Variants in TMEM216 observed in about 807,000 individuals in gnomAD.
The protein encoded by TMEM216 is cerebello-oculo-renal syndrome 2.
Under a neutral mutation model 17.8 loss-of-function variants are expected in TMEM216, and 15 were observed. That is an observed-to-expected ratio of 0.84 (90% confidence interval 0.56 to 1.30). The LOEUF (loss-of-function observed/expected upper bound fraction) is 1.30. TMEM216 is among the 50% of genes most tolerant of loss of function. The pLI is 0.00. For synonymous variants in TMEM216, 58 were observed against 73.5 expected (o/e 0.79, Z 1.08); for missense variants, 160 against 175.7 (o/e 0.91, Z 0.51).
In TMEM216 at chr11:61,397,357, T is replaced by C. The variant is rs959668126; in HGVS notation, c.230-417T>C. On this transcript the variant is annotated intron_variant, in intron 3 of 4. Coordinates refer to ENST00000515837, the MANE Select transcript of TMEM216 (RefSeq NM_001173990.3). ...ACTTTTTTTGTATTTTTAGTAGAGA[T>C]GGGGTTTCACCGTGTTAGCCAGGAT... Among the ~76,000 whole-genome samples the C allele has an allele frequency of 2.0e-5, 3 of 151,940 alleles. No homozygotes were observed. In the South Asian group the frequency reaches 6.2e-4, roughly 31 times the overall value.
chr11:61,397,170 T>A (rs1033975453), intron 3 of TMEM216, among the ~76,000 whole-genome samples: 3 of 142,548 alleles, frequency 2.1e-5, no homozygotes, highest in South Asian at 2.2e-4. Context: ...TGTGTTGAAA[T>A]TTTTTTTTTT....
chr11:61,393,968 TG>T lies in TMEM216; in HGVS notation c.222del (p.Phe76LeufsTer20), dbSNP rs1057517512. Reference sequence around the variant, plus strand: ...TATCTTGGAATTGAAGTAATTCGCCTGTTTTTTGGTAAGTGTTGTCCAGAGA... The same window carrying T: ...TATCTTGGAATTGAAGTAATTCGCCTTTTTTTGGTAAGTGTTGTCCAGAGA... ...LLYLGIEVIR[L>X]FFGTKGNLCQ... On this transcript the variant is annotated frameshift_variant, in exon 3 of 5. Transcript: ENST00000515837. LOFTEE classifies it high-confidence loss of function. 3.7e-6 allele frequency: 6 copies of T among 1,613,962 alleles called. No individual in the cohort carries two copies. The highest frequency in any genetic ancestry group is 1.3e-5 in the African/African-American group (1 of 75,068).
intron 3 of TMEM216, among the ~76,000 whole-genome samples, chr11:61,397,190 G>A (rs1426727519): frequency 6.7e-5 from 10 of 148,720 alleles, no homozygotes; most frequent in Admixed American, 2.7e-4. Context: ...TTTTTGAGAC[G>A]GAGTCTTGCT....
rs1305097889 is a variant in TMEM216, at chr11:61,398,643, A to T, written c.*367A>T. Reference sequence around the variant, plus strand: ...GGGCTTCAAGCAGGACCTGAGCCACATGCTCCCTGTACGAGCTGTGCTATA... The same window carrying T: ...GGGCTTCAAGCAGGACCTGAGCCACTTGCTCCCTGTACGAGCTGTGCTATA... On this transcript the variant is annotated 3_prime_UTR_variant, in exon 5 of 5. Transcript: ENST00000515837. The T allele has an allele frequency of 3.6e-6, 1 of 281,582 alleles. No homozygotes were observed. Among genetic ancestry groups the T allele is most frequent in the Non-Finnish European group, 6.7e-6 (1 of 149,264 alleles). 17.4% of individuals were successfully genotyped at this position (281,582 alleles called of 1,614,324 possible).
At position 61,398,509 on chromosome 11, in the gene TMEM216, A is replaced by G. The variant is rs1046545540; in HGVS notation, c.*233A>G. 2.9e-5 allele frequency: 16 copies of G among 546,148 alleles called. No homozygotes were observed. The highest frequency in any genetic ancestry group is 5.2e-5 in the Non-Finnish European group (16 of 309,344). 33.8% of individuals were successfully genotyped at this position (546,148 alleles called of 1,614,324 possible). On this transcript the variant is annotated 3_prime_UTR_variant, in exon 5 of 5. Transcript: ENST00000515837. Reference sequence around the variant, plus strand: ...TCTACACTCCAGTATAGGGAGGGGCAAGGTTATTCCCATCCTGCCCCTTCT... The same window carrying G: ...TCTACACTCCAGTATAGGGAGGGGCGAGGTTATTCCCATCCTGCCCCTTCT...
At chr11:61,394,141 C>T in intron 3 of TMEM216, 165 bp downstream of exon 3, 1 of 616,552 alleles carries the variant, frequency 1.6e-6, no homozygotes, top group South Asian at 2.0e-5. Context: ...TACATTGGGT[C>T]AAGATTTACC....
intron 3 of TMEM216, 30 bp downstream of exon 3, chr11:61,394,006 C>G: frequency 1.3e-6 from 2 of 1,583,506 alleles, no homozygotes; most frequent in Non-Finnish European, 1.7e-6. Flanking sequence ...TATTTCCACT[C>G]CTTATGAGAC....
chr11:61,398,735 C>T lies in TMEM216; in HGVS notation c.*459C>T, dbSNP rs1420107927. ...TCCAGAGTGATGTGAAAGCCTCTCA[C>T]CCCAATCCTCGGAGACTGAGTTCCA... is the stretch of plus-strand genomic sequence containing the variant. On this transcript the variant is annotated 3_prime_UTR_variant, in exon 5 of 5. Transcript: ENST00000515837. 6.2e-6 allele frequency: 1 copy of T among 160,384 alleles called. No homozygotes were observed. Among genetic ancestry groups the T allele is most frequent in the African/African-American group, 2.4e-5 (1 of 41,794 alleles). The allele number at this position is 160,384 out of a possible 1,614,324, so 9.9% of individuals were successfully genotyped here. A position where few individuals can be genotyped will look rare whatever the true frequency, so the allele number is the denominator to read the frequency against.
In TMEM216 at chr11:61,398,587, G is replaced by C. The variant is rs759148194; in HGVS notation, c.*311G>C. 2.4e-4 allele frequency: 100 copies of C among 416,202 alleles called. No individual in the cohort carries two copies. Among genetic ancestry groups the C allele is most frequent in the Middle Eastern group, 1.3e-3 (2 of 1,538 alleles). The allele number at this position is 416,202 out of a possible 1,614,324, so 25.8% of individuals were successfully genotyped here. A position where few individuals can be genotyped will look rare whatever the true frequency, so the allele number is the denominator to read the frequency against. On this transcript the variant is annotated 3_prime_UTR_variant, in exon 5 of 5. Coordinates refer to ENST00000515837, the MANE Select transcript of TMEM216 (RefSeq NM_001173990.3). ...TTCTCCTCCTTGATCACCGTGGCCAGAGCATCTCGTGTGGACCATCTAGGC... is the reference window on the plus strand; with the variant it reads ...TTCTCCTCCTTGATCACCGTGGCCACAGCATCTCGTGTGGACCATCTAGGC...
At chr11:61,395,753 G>GAC (rs1341570305) in intron 3 of TMEM216, among the ~76,000 whole-genome samples, 1 of 151,852 alleles carries the variant, frequency 6.6e-6, no homozygotes, top group Non-Finnish European at 1.5e-5. Flanking sequence ...ATTGGTAAGG[G>GAC]ACATTAATGG....
chr11:61,395,447 CTT>C (rs1377342007), intron 3 of TMEM216, among the ~76,000 whole-genome samples: 1 of 151,892 alleles, frequency 6.6e-6, no homozygotes, highest in African/African-American at 2.4e-5. Context: ...AACAAAATAA[CTT>C]TAAAAATTGG....
At chr11:61,395,798 A>G (rs1250404669) in intron 3 of TMEM216, among the ~76,000 whole-genome samples, 1 of 152,162 alleles carries the variant, frequency 6.6e-6, no homozygotes, top group Non-Finnish European at 1.5e-5. Context: ...AGAACCAGTA[A>G]AACTTGACAA....
intron 2 of TMEM216, 30 bp from the exon 3 acceptor site, chr11:61,393,853 TG>T: frequency 6.3e-7 from 1 of 1,590,340 alleles, no homozygotes; most frequent in Non-Finnish European, 8.6e-7. Flanking sequence ...TGTTATATGC[TG>T]TTTGCAAACT....
chr11:61,394,828 G>A (rs755559681), intron 3 of TMEM216, among the ~76,000 whole-genome samples: 5 of 151,278 alleles, frequency 3.3e-5, no homozygotes, highest in Admixed American at 6.6e-5. Flanking sequence ...CACCATGCCC[G>A]GCAAGTTTTT....
chr11:61,392,951 G>C, intron 1 of TMEM216: 1 of 886,106 alleles, frequency 1.1e-6, no homozygotes. Context: ...TAGTGACAGA[G>C]TGAGATCTTT....
Position 61,396,372 on chromosome 11 carries a change from G to A in TMEM216, c.230-1402G>A, listed in dbSNP as rs529056614. The stretch of plus-strand genomic sequence containing the variant: ...CACGTGCCTGTAATCCCAGCTACTC[G>A]GGAGGGTGAGGCAGGAGAATCACTT... On this transcript the variant is annotated intron_variant, in intron 3 of 4. Transcript: ENST00000515837. 4.6e-5 allele frequency among the ~76,000 whole-genome samples: 7 copies of A among 152,244 alleles called. No individual in the cohort carries two copies. The South Asian group carries it at 6.2e-4, about 14-fold the overall frequency.
chr11:61,393,357 A>G, intron 2 of TMEM216, 25 bp downstream of exon 2: 3 of 1,459,324 alleles, frequency 2.1e-6, no homozygotes, highest in Non-Finnish European at 2.8e-6. Flanking sequence ...GGGCTTGACG[A>G]CAGCATCCCT....
In TMEM216 at chr11:61,398,412, T is replaced by C. The variant is rs1858850207; in HGVS notation, c.*136T>C. 2 of 927,796 alleles carry C rather than the reference T, an allele frequency of 2.2e-6. No homozygotes were observed. The highest frequency in any genetic ancestry group is 2.6e-5 in the East Asian group (1 of 38,186). 57.5% of individuals were successfully genotyped at this position (927,796 alleles called of 1,614,324 possible). A position where few individuals can be genotyped will look rare whatever the true frequency, so the allele number is the denominator to read the frequency against. On this transcript the variant is annotated 3_prime_UTR_variant, in exon 5 of 5. Transcript: ENST00000515837. ...TGTGGCTTTTCTTCAGCACAGACATTTGGGCAAGCAACTCAGCATAAGGCC... is the reference window on the plus strand; with the variant it reads ...TGTGGCTTTTCTTCAGCACAGACATCTGGGCAAGCAACTCAGCATAAGGCC...
At chr11:61,392,854 A>G (rs1858705181) in intron 1 of TMEM216, 189 bp downstream of exon 1, 5 of 985,228 alleles carry the variant, frequency 5.1e-6, no homozygotes, top group Non-Finnish European at 6.0e-6. Context: ...GCACAGCTCA[A>G]ATAAACGCAG....
Sources: allele counts gnomAD v4.1 joint callset (sites outside exome capture counted in the v4.1 genomes callset), GRCh38; gene constraint gnomAD v4.1.1; transcripts MANE v1.5; gene names NCBI Gene and HGNC (gene_info 2026-07-23, HGNC 2026-07-21).